C1GALT1: variants seen among roughly 807,000 people sequenced by gnomAD.
C1GALT1 encodes the protein core 1 synthase, glycoprotein-N-acetylgalactosamine 3-beta-galactosyltransferase 1, also known as glycoprotein-N-acetylgalactosamine 3-beta-galactosyltransferase 1.
Under a neutral mutation model 31.0 loss-of-function variants are expected in C1GALT1, and 11 were observed. The ratio of observed to expected loss-of-function variants is 0.36; its 90% CI spans 0.22 to 0.59. The LOEUF (loss-of-function observed/expected upper bound fraction) is 0.59. C1GALT1 is among the 20% of genes least tolerant of loss of function. The pLI is 0.79. For synonymous variants in C1GALT1, 175 were observed against 143.6 expected (o/e 1.22, Z -1.56); for missense variants, 424 against 425.2 (o/e 1.00, Z 0.03).
rs116027415 is a variant in C1GALT1 at position 7,166,569 on chromosome 7, T to C, written c.-18+9143T>C. 5.4e-3 allele frequency among the ~76,000 whole-genome samples: 817 copies of C among 152,292 alleles called. 7 individuals carry two copies. The highest frequency in any genetic ancestry group is 0.018 in the African/African-American group (767 of 41,560). ...ACATTCATTATCTTGACTGCGGTGA[T>C]AGTTTCATGGGTGTATACATATGTC... On this transcript the variant is annotated intron_variant, in intron 2 of 3. Coordinates refer to the C1GALT1 transcript ENST00000429911.
rs114109562 is a variant in C1GALT1 at position 7,169,543 on chromosome 7, T to G, written c.-18+12117T>G. Reference sequence around the variant, plus strand: ...TGTTATTTTCTGTTTGGATATTTTGTTTTTTTTTTTCTTAATCTTACAGCT... The same window carrying G: ...TGTTATTTTCTGTTTGGATATTTTGGTTTTTTTTTTCTTAATCTTACAGCT... On this transcript the variant is annotated intron_variant, in intron 2 of 3. Coordinates refer to the C1GALT1 transcript ENST00000429911. Among the ~76,000 whole-genome samples the G allele has an allele frequency of 6.2e-3, 799 of 128,408 alleles. 5 individuals carry two copies. The highest frequency in any genetic ancestry group is 0.019 in the African/African-American group (747 of 39,466). The allele number at this position is 128,408 out of a possible 152,430, so 84.2% of individuals were successfully genotyped here. A position where few individuals can be genotyped will look rare whatever the true frequency, so the allele number is the denominator to read the frequency against.
chr7:7,230,569 A>C (rs7788265), intron 1 of C1GALT1, among the ~76,000 whole-genome samples: 4,928 of 148,768 alleles, frequency 0.033, 286 homozygotes, highest in African/African-American at 0.12. Context: ...GTTTGGTTCT[A>C]AATCAACCAC....
intron 2 of C1GALT1, among the ~76,000 whole-genome samples, chr7:7,162,832 A>T (rs1259192161): frequency 1.3e-5 from 2 of 152,066 alleles, no homozygotes; most frequent in African/African-American, 2.4e-5. Context: ...ATGGTATCTC[A>T]TTGTGGTTTT....
intron 1 of C1GALT1, among the ~76,000 whole-genome samples, chr7:7,189,094 A>C (rs1780944216): frequency 6.6e-6 from 1 of 152,230 alleles, no homozygotes; most frequent in East Asian, 1.9e-4. Flanking sequence ...AATAAAAAGT[A>C]ACCTTTGTCA....
chr7:7,219,764 CT>C (rs1394843224), intron 1 of C1GALT1, among the ~76,000 whole-genome samples: 1 of 151,848 alleles, frequency 6.6e-6, no homozygotes, highest in Non-Finnish European at 1.5e-5. Flanking sequence ...TTCTTCTAGT[CT>C]TTTTTTAGTA....
At chr7:7,218,208 A>G (rs1054553984) in intron 1 of C1GALT1, among the ~76,000 whole-genome samples, 2 of 152,138 alleles carry the variant, frequency 1.3e-5, no homozygotes, top group African/African-American at 2.4e-5. Flanking sequence ...TAAAGATTAA[A>G]ATGGTCAGTC....
intron 3 of C1GALT1, among the ~76,000 whole-genome samples, chr7:7,239,989 C>G (rs1394753814): frequency 6.6e-6 from 1 of 152,172 alleles, no homozygotes; most frequent in Admixed American, 6.5e-5. Flanking sequence ...AGTTCTGTTA[C>G]TAATAATGCC....
chr7:7,202,003 G>T (rs370473523), intron 1 of C1GALT1, among the ~76,000 whole-genome samples: 1 of 152,204 alleles, frequency 6.6e-6, no homozygotes, highest in Non-Finnish European at 1.5e-5. Flanking sequence ...CCTGGTGACA[G>T]AGAGTGCCCA....
intron 1 of C1GALT1, among the ~76,000 whole-genome samples, chr7:7,185,780 A>G (rs897720634): frequency 1.3e-5 from 2 of 152,168 alleles, no homozygotes; most frequent in South Asian, 2.1e-4. Context: ...TAGGACTTCA[A>G]CCTATCTTTT....
At chr7:7,237,794 TGA>T (rs1783432989) in intron 2 of C1GALT1, among the ~76,000 whole-genome samples, 1 of 152,154 alleles carries the variant, frequency 6.6e-6, no homozygotes, top group African/African-American at 2.4e-5. Context: ...TTCAGAGCAG[TGA>T]GAAATTTCTG....
chr7:7,238,109 G>A lies in C1GALT1; in HGVS notation c.221-146G>A, dbSNP rs1199244437. On this transcript the variant is annotated intron_variant, in intron 2 of 3. Transcript: ENST00000436587. The surrounding 1 kb of genome is among the most constrained non-coding windows in gnomAD (Gnocchi z 5.2). ...AAATCAGAGTGTCAGTTCACATTAGGATGAGTTTGCTTTCCTTTGGCTAAA... is the reference window on the plus strand; with the variant it reads ...AAATCAGAGTGTCAGTTCACATTAGAATGAGTTTGCTTTCCTTTGGCTAAA... 4.3e-6 allele frequency: 3 copies of A among 703,808 alleles called. No homozygotes were observed. Among genetic ancestry groups the A allele is most frequent in the Non-Finnish European group, 4.6e-6 (2 of 436,852 alleles). The allele number at this position is 703,808 out of a possible 1,614,324, so 43.6% of individuals were successfully genotyped here.
At chr7:7,164,015 C>T (rs542288112) in intron 2 of C1GALT1, among the ~76,000 whole-genome samples, 2 of 152,258 alleles carry the variant, frequency 1.3e-5, no homozygotes, top group South Asian at 2.1e-4. Context: ...CCAAGTCAAT[C>T]CTAAGCCAAA....
intron 1 of C1GALT1, among the ~76,000 whole-genome samples, chr7:7,201,832 T>C (rs988831039): frequency 1.3e-5 from 2 of 152,252 alleles, no homozygotes; most frequent in Non-Finnish European, 2.9e-5. Context: ...CTTTCTGCAC[T>C]GCCTGTTTGC....
Position 7,194,252 on chromosome 7 carries a change from A to G in C1GALT1, c.-18+11432A>G, listed in dbSNP as rs143944339. Among the ~76,000 whole-genome samples the G allele has an allele frequency of 3.3e-5, 5 of 152,234 alleles. No homozygotes were observed. In the East Asian group the frequency reaches 9.6e-4, roughly 29 times the overall value. Reference sequence around the variant, plus strand: ...AGACTGGGCATCCCTGTCTTGTTCCAGATCTCAGGGGAAATGCTTTCAACC... The same window carrying G: ...AGACTGGGCATCCCTGTCTTGTTCCGGATCTCAGGGGAAATGCTTTCAACC... On this transcript the variant is annotated intron_variant, in intron 1 of 3. Coordinates refer to ENST00000436587, the MANE Select transcript of C1GALT1 (RefSeq NM_020156.5).
At chr7:7,157,592 C>T (rs1332558015) in intron 2 of C1GALT1, among the ~76,000 whole-genome samples, 1 of 152,156 alleles carries the variant, frequency 6.6e-6, no homozygotes, top group Non-Finnish European at 1.5e-5. Flanking sequence ...TTCCGTGTTG[C>T]TCTACTGTCT....
At chr7:7,161,551 T>C (rs1483100860) in intron 2 of C1GALT1, among the ~76,000 whole-genome samples, 1 of 152,114 alleles carries the variant, frequency 6.6e-6, no homozygotes, top group Non-Finnish European at 1.5e-5. Flanking sequence ...TATTGAATAC[T>C]TACTACATGT....
At chr7:7,176,289 GA>G (rs371682219) in intron 2 of C1GALT1, among the ~76,000 whole-genome samples, 206 of 147,862 alleles carry the variant, frequency 1.4e-3, no homozygotes, top group African/African-American at 4.3e-3. Context: ...CTTGAAATAA[GA>G]AAAAAAAAAT....
chr7:7,208,336 C>T (rs962595678), intron 1 of C1GALT1, among the ~76,000 whole-genome samples: 4 of 152,010 alleles, frequency 2.6e-5, no homozygotes, highest in African/African-American at 9.7e-5. Context: ...GCCTAATTTA[C>T]AAATTAGACT....
chr7:7,218,104 A>C (rs908931452), intron 1 of C1GALT1, among the ~76,000 whole-genome samples: 1 of 152,180 alleles, frequency 6.6e-6, no homozygotes, highest in African/African-American at 2.4e-5. Flanking sequence ...GAGTTAGGAA[A>C]GGGGAGCAGT....
Sources: gnomAD v4.1 joint callset for allele counts (sites outside exome capture counted in the v4.1 genomes callset) on GRCh38, gnomAD v4.1.1 for gene constraint, Gnocchi (gnomAD v3.1) non-coding constraint, MANE v1.5 for transcripts, NCBI Gene and HGNC (gene_info 2026-07-23, HGNC 2026-07-21) for gene names.